The following LARGE1 variants were observed in gnomAD, a reference collection of about 807,000 sequenced individuals.
LARGE1 encodes the protein xylosyl- and glucuronyltransferase LARGE1.
A neutral mutation model predicts 87.6 loss-of-function variants in LARGE1; 43 were observed. That is an observed-to-expected ratio of 0.49 (90% CI 0.38 to 0.63). The LOEUF (loss-of-function observed/expected upper bound fraction) is 0.63. LARGE1 is among the 30% of genes least tolerant of loss of function. LARGE1 has a pLI of 0.00. For synonymous variants in LARGE1, 434 were observed against 394.6 expected, an observed-to-expected ratio of 1.10 and a Z score of -1.18; for missense variants, 802 against 1,000.2, an observed-to-expected ratio of 0.80 and a Z score of 2.67.
chr22:33,809,188 C>T (rs112979469), intron 1 of LARGE1, among the ~76,000 whole-genome samples: 8 of 151,870 alleles, frequency 5.3e-5, no homozygotes, highest in African/African-American at 1.9e-4. Flanking sequence ...AAGAGAACTG[C>T]TTGAACCCAG....
Position 33,827,189 on chromosome 22 carries a change from C to T in LARGE1, c.-82-65631G>A, listed in dbSNP as rs544302916. Among the ~76,000 whole-genome samples, 423 of 150,604 alleles carry T rather than the reference C, an allele frequency of 2.8e-3. 1 individual carries two copies. Among genetic ancestry groups the T allele is most frequent in the Admixed American group, 5.8e-3 (87 of 15,068 alleles). On this transcript the variant is annotated intron_variant, in intron 1 of 14. Coordinates refer to ENST00000397394, the MANE Select transcript of LARGE1 (RefSeq NM_133642.5). The stretch of plus-strand genomic sequence containing the variant: ...CATCCTAGCTAACACGGTGAAACCC[C>T]GTCTCTATTAAAAATACAAAAAAAA...
intron 6 of LARGE1, among the ~76,000 whole-genome samples, chr22:33,503,883 C>T (rs78054017): frequency 5.3e-5 from 8 of 152,164 alleles, no homozygotes; most frequent in East Asian, 1.9e-4. Flanking sequence ...AAATGTCAGT[C>T]GAACCGATGA....
the LARGE1 span, among the ~76,000 whole-genome samples, chr22:33,099,365 G>A: frequency 1.4e-4 from 21 of 152,066 alleles, no homozygotes; most frequent in South Asian, 1.2e-3. Flanking sequence ...GCGATTCTCC[G>A]GCCTCAGCCT....
chr22:33,354,304 T>C (rs754711798), intron 9 of LARGE1, among the ~76,000 whole-genome samples: 2 of 152,236 alleles, frequency 1.3e-5, no homozygotes, highest in Non-Finnish European at 2.9e-5. Flanking sequence ...CTCATTTCTA[T>C]ATACTTAGAA....
Position 33,355,620 on chromosome 22 carries a change from T to C in LARGE1, c.1132-17819A>G, listed in dbSNP as rs960531795. 1.1e-4 allele frequency among the ~76,000 whole-genome samples: 16 copies of C among 151,882 alleles called. 2 individuals carry two copies. The highest frequency in any genetic ancestry group is 5.9e-4 in the Admixed American group (9 of 15,262). On this transcript the variant is annotated intron_variant, in intron 9 of 14. Transcript: ENST00000397394. Reference sequence around the variant, plus strand: ...CCATGATCCATTCAATTTATGGTCTTTTCCAGAATCTCAAAAGTAGATCTT... The same window carrying C: ...CCATGATCCATTCAATTTATGGTCTCTTCCAGAATCTCAAAAGTAGATCTT...
chr22:33,888,454 G>A (rs559699689), intron 1 of LARGE1, among the ~76,000 whole-genome samples: 8 of 152,172 alleles, frequency 5.3e-5, no homozygotes, highest in East Asian at 1.9e-4. Context: ...TGCACGTGGT[G>A]GACAACTGTA....
At chr22:33,616,547 A>C (rs1445555368) in intron 4 of LARGE1, among the ~76,000 whole-genome samples, 3 of 152,012 alleles carry the variant, frequency 2.0e-5, no homozygotes, top group Non-Finnish European at 2.9e-5. Flanking sequence ...AAAAAAAAAA[A>C]GAAGTGGAAA....
intron 5 of LARGE1, among the ~76,000 whole-genome samples, chr22:33,602,945 C>T (rs1488261882): frequency 1.3e-5 from 2 of 152,220 alleles, no homozygotes; most frequent in African/African-American, 4.8e-5. Context: ...TGCTCCTCCT[C>T]CCATGTTGCT....
the LARGE1 span, among the ~76,000 whole-genome samples, chr22:33,107,374 G>C: frequency 2.0e-5 from 3 of 152,018 alleles, no homozygotes; most frequent in Non-Finnish European, 4.4e-5. Context: ...AAGCAGCCTG[G>C]GCAACATGGC....
chr22:33,759,576 C>T (rs1344056412), intron 2 of LARGE1, among the ~76,000 whole-genome samples: 1 of 152,156 alleles, frequency 6.6e-6, no homozygotes, highest in Non-Finnish European at 1.5e-5. Flanking sequence ...TGTAGAAATA[C>T]TCAAAATACT....
At chr22:33,920,581 A>G (rs1174290645), upstream of LARGE1, among the ~76,000 whole-genome samples, 1 of 143,960 alleles carries the variant, frequency 6.9e-6, no homozygotes, top group Non-Finnish European at 1.5e-5. Flanking sequence ...CGCGGGAAAG[A>G]AGCGCCGGAA....
intron 6 of LARGE1, among the ~76,000 whole-genome samples, chr22:33,489,430 C>T (rs911024227): frequency 6.6e-6 from 1 of 152,160 alleles, no homozygotes; most frequent in African/African-American, 2.4e-5. Context: ...GCTGTGTCCC[C>T]ATCCAAATCT....
At chr22:33,743,744 G>T (rs2083975928) in intron 2 of LARGE1, among the ~76,000 whole-genome samples, 1 of 152,220 alleles carries the variant, frequency 6.6e-6, no homozygotes, top group Admixed American at 6.5e-5. Context: ...TTTTACAGAT[G>T]ATGAAAGGGA....
intron 12 of LARGE1, among the ~76,000 whole-genome samples, chr22:33,296,645 C>T (rs1385514670): frequency 6.6e-6 from 1 of 151,194 alleles, no homozygotes; most frequent in African/African-American, 2.4e-5. Context: ...CTCATCTCAC[C>T]GCAATGTCTG....
intron 9 of LARGE1, among the ~76,000 whole-genome samples, chr22:33,339,257 G>A (rs1363896112): frequency 6.6e-6 from 1 of 151,264 alleles, no homozygotes; most frequent in Non-Finnish European, 1.5e-5. Context: ...GGGAGACAGG[G>A]CCTGGGACAG....
intron 1 of LARGE1, among the ~76,000 whole-genome samples, chr22:33,800,639 C>T (rs5754678): frequency 0.43 from 65,551 of 151,920 alleles, 15,221 homozygotes; most frequent in African/African-American, 0.61. Flanking sequence ...ACAAACAGAA[C>T]CATATAGTCT....
intron 1 of LARGE1, among the ~76,000 whole-genome samples, chr22:33,906,962 G>C (rs1386633876): frequency 6.6e-6 from 1 of 152,000 alleles, no homozygotes; most frequent in Non-Finnish European, 1.5e-5. Context: ...GCTCAAAAAT[G>C]CTGTATTTCC....
chr22:33,884,677 T>C (rs557698881), intron 1 of LARGE1, among the ~76,000 whole-genome samples: 44 of 152,334 alleles, frequency 2.9e-4, no homozygotes, highest in Admixed American at 2.5e-3. Context: ...CCGCCTTTAA[T>C]CTGCCTACCC....
At chr22:33,888,297 C>T (rs2064913042) in intron 1 of LARGE1, among the ~76,000 whole-genome samples, 2 of 151,984 alleles carry the variant, frequency 1.3e-5, no homozygotes, top group Admixed American at 1.3e-4. Flanking sequence ...TCTTACAGAA[C>T]ATCCATGAGC....
Sources: allele counts gnomAD v4.1 joint callset (sites outside exome capture counted in the v4.1 genomes callset), GRCh38; gene constraint gnomAD v4.1.1; transcripts MANE v1.5; gene names NCBI Gene and HGNC (gene_info 2026-07-23, HGNC 2026-07-21).